Variants in LPP observed in about 807,000 individuals in gnomAD.
LPP encodes lipoma-preferred partner.
Under a neutral mutation model 60.4 loss-of-function variants are expected in LPP, and 38 were observed. That is an observed-to-expected ratio of 0.63 (90% confidence interval 0.49 to 0.83). The LOEUF (loss-of-function observed/expected upper bound fraction) is 0.83, where lower values mean the gene tolerates loss of function less well. LPP is among the 40% of genes least tolerant of loss of function. The probability of loss-of-function intolerance (pLI) is 0.00; values close to 1 mark genes in which losing one functional copy is unlikely to be tolerated. For missense variants in LPP, 902 were observed against 783.6 expected (o/e 1.15, Z -1.80); for synonymous variants, 328 against 290.8 (o/e 1.13, Z -1.30).
chr3:188,570,515 C>G (rs1833291300), intron 6 of LPP, among the ~76,000 whole-genome samples: 1 of 151,954 alleles, frequency 6.6e-6, no homozygotes, highest in South Asian at 2.1e-4. Context: ...GCTTAAAGGA[C>G]AATTGGTCTC....
intron 3 of LPP, among the ~76,000 whole-genome samples, chr3:188,379,590 G>A (rs886752772): frequency 6.6e-6 from 1 of 152,114 alleles, no homozygotes; most frequent in African/African-American, 2.4e-5. Context: ...TCTTGCATCC[G>A]GTACTAAGCA....
chr3:188,856,826 T>C (rs1008022651), intron 9 of LPP, among the ~76,000 whole-genome samples: 9 of 152,200 alleles, frequency 5.9e-5, no homozygotes, highest in African/African-American at 2.2e-4. Context: ...AGGCTTTGGA[T>C]AGGATTATCT....
intron 5 of LPP, among the ~76,000 whole-genome samples, chr3:188,503,823 C>G (rs1210690816): frequency 2.0e-5 from 3 of 152,114 alleles, no homozygotes; most frequent in Non-Finnish European, 4.4e-5. Context: ...TTGAGGATCC[C>G]TTGTATGTGA....
chr3:188,868,938 G>A (rs1767375476), intron 10 of LPP, among the ~76,000 whole-genome samples: 1 of 152,204 alleles, frequency 6.6e-6, no homozygotes, highest in Admixed American at 6.5e-5. Flanking sequence ...TTGCCAGGAG[G>A]AGGGCAGAGA....
chr3:188,292,089 C>T (rs773150181), intron 2 of LPP, among the ~76,000 whole-genome samples: 10 of 152,178 alleles, frequency 6.6e-5, no homozygotes, highest in Admixed American at 2.6e-4. Context: ...CTAGGACCTT[C>T]GGTTAAACCA....
chr3:188,592,481 TTTTA>T (rs1272757521), intron 6 of LPP, among the ~76,000 whole-genome samples: 2 of 151,892 alleles, frequency 1.3e-5, no homozygotes, highest in Non-Finnish European at 2.9e-5. Flanking sequence ...AACGAGTGTT[TTTTA>T]TTTCTTTATT....
intron 3 of LPP, among the ~76,000 whole-genome samples, chr3:188,371,575 G>C (rs1336952447): frequency 1.5e-5 from 2 of 129,268 alleles, no homozygotes; most frequent in Admixed American, 8.4e-5. Flanking sequence ...TGTAGTTATA[G>C]TTGTGATAGG....
In LPP at chr3:188,610,666, G is replaced by A. The variant is rs971403703; in HGVS notation, c.1113+822G>A. 5.3e-5 allele frequency among the ~76,000 whole-genome samples: 8 copies of A among 152,100 alleles called. No individual in the cohort carries two copies. The highest frequency in any genetic ancestry group is 2.1e-4 in the South Asian group (1 of 4,834). The stretch of plus-strand genomic sequence containing the variant: ...TTAAGTTAACACTCTCTGTTACTTC[G>A]TCTGAATAGGTAAGGTGTAATACTA... On this transcript the variant is annotated intron_variant, in intron 7 of 11. Coordinates refer to ENST00000617246, the MANE Select transcript of LPP (RefSeq NM_001375462.1). The surrounding 1 kb of genome is among the most constrained non-coding windows in gnomAD (Gnocchi z 4.4).
intron 2 of LPP, among the ~76,000 whole-genome samples, chr3:188,335,465 G>T (rs1761380566): frequency 6.6e-6 from 1 of 152,092 alleles, no homozygotes. Context: ...TTGCATCTAT[G>T]TTCATCAGAG....
intron 7 of LPP, among the ~76,000 whole-genome samples, chr3:188,647,752 G>A (rs1270275855): frequency 2.0e-5 from 3 of 152,138 alleles, no homozygotes; most frequent in African/African-American, 7.2e-5. Context: ...AGTCACTGCC[G>A]GTCATTTCTG....
At chr3:188,771,784 A>T (rs564895162) in intron 9 of LPP, among the ~76,000 whole-genome samples, 2 of 152,172 alleles carry the variant, frequency 1.3e-5, no homozygotes, top group Non-Finnish European at 2.9e-5. Flanking sequence ...GCCTAACTTG[A>T]ATCACCAAAG....
intron 9 of LPP, among the ~76,000 whole-genome samples, chr3:188,783,115 C>G (rs1297318186): frequency 5.3e-5 from 8 of 151,962 alleles, no homozygotes; most frequent in African/African-American, 1.7e-4. Flanking sequence ...CATTCTTTAT[C>G]CTACCCAATG....
At chr3:188,292,120 A>G (rs1252516415) in intron 2 of LPP, among the ~76,000 whole-genome samples, 3 of 152,266 alleles carry the variant, frequency 2.0e-5, no homozygotes, top group Non-Finnish European at 4.4e-5. Context: ...TTCAAAAATC[A>G]AATGTCAAAG....
At chr3:188,699,547 A>T (rs750155184) in intron 7 of LPP, among the ~76,000 whole-genome samples, 2 of 152,256 alleles carry the variant, frequency 1.3e-5, no homozygotes, top group African/African-American at 2.4e-5. Flanking sequence ...ATCAACTGGG[A>T]TGAGTTTCAA....
intron 4 of LPP, among the ~76,000 whole-genome samples, chr3:188,462,858 G>C (rs1224137659): frequency 6.6e-6 from 1 of 151,828 alleles, no homozygotes; most frequent in Admixed American, 6.6e-5. Context: ...TGTAATTCCA[G>C]CACTTTGGGA....
intron 7 of LPP, among the ~76,000 whole-genome samples, chr3:188,631,897 C>T (rs764785055): frequency 2.0e-5 from 3 of 152,084 alleles, no homozygotes; most frequent in Admixed American, 6.5e-5. Context: ...CCTTTCTTAA[C>T]CAATCTCAAA....
chr3:188,745,345 A>G (rs1031883799), intron 8 of LPP, among the ~76,000 whole-genome samples: 46 of 152,138 alleles, frequency 3.0e-4, no homozygotes, highest in African/African-American at 1.1e-3. Context: ...AGTATTAAAG[A>G]TTGATAGGTG....
Position 188,599,753 on chromosome 3 carries a change from T to G in LPP, c.430-9408T>G, listed in dbSNP as rs62291683. Among the ~76,000 whole-genome samples the G allele has an allele frequency of 1.8e-3, 198 of 108,194 alleles. 1 individual carries two copies. Among genetic ancestry groups the G allele is most frequent in the African/African-American group, 4.3e-3 (120 of 28,036 alleles). The allele number at this position is 108,194 out of a possible 152,430, so 71.0% of individuals were successfully genotyped here. On this transcript the variant is annotated intron_variant, in intron 6 of 11. Transcript: ENST00000617246. ...AAAACTATCGGGGACTCGTTAGGGG[T>G]GTGTGTGTGTGTGTGTGTGTGTGTG...
chr3:188,629,569 G>C (rs1847479816), intron 7 of LPP, among the ~76,000 whole-genome samples: 1 of 152,010 alleles, frequency 6.6e-6, no homozygotes, highest in South Asian at 2.1e-4. Context: ...ATAAATCAGA[G>C]ATGAAACAAA....
Sources: gnomAD v4.1 joint callset for allele counts (sites outside exome capture counted in the v4.1 genomes callset) on GRCh38, gnomAD v4.1.1 for gene constraint, Gnocchi (gnomAD v3.1) non-coding constraint, MANE v1.5 for transcripts, NCBI Gene and HGNC (gene_info 2026-07-23, HGNC 2026-07-21) for gene names.